SLC10A7: variants seen among roughly 807,000 people sequenced by gnomAD.
SLC10A7 encodes sodium/bile acid cotransporter 7.
In SLC10A7, 29 loss-of-function variants were observed where a neutral mutation model predicts 43.2. That is an observed-to-expected ratio of 0.67 (90% CI 0.50 to 0.92). SLC10A7 has a LOEUF of 0.92. SLC10A7 is among the 40% of genes least tolerant of loss of function. The probability of loss-of-function intolerance (pLI) is 0.00; values close to 1 mark genes in which losing one functional copy is unlikely to be tolerated. For missense variants in SLC10A7, 295 were observed against 403.2 expected (o/e 0.73, Z 2.30); for synonymous variants, 152 against 144.8 (o/e 1.05, Z -0.35).
rs985910717 is a variant in SLC10A7, at chr4:146,431,921, A to T, written c.435+10862T>A. On this transcript the variant is annotated intron_variant, in intron 5 of 11. Coordinates refer to ENST00000335472, the MANE Select transcript of SLC10A7 (RefSeq NM_001029998.6). ...GATAAATGACTGGTGTCCAAAACAT[A>T]CTTAAAAACTTGCACCTAATTATAA... 2.0e-5 allele frequency among the ~76,000 whole-genome samples: 3 copies of T among 152,220 alleles called. No individual in the cohort carries two copies. In the East Asian group the frequency reaches 5.8e-4, roughly 29 times the overall value.
intron 4 of SLC10A7, among the ~76,000 whole-genome samples, chr4:146,443,496 A>G (rs763009091): frequency 1.1e-4 from 16 of 152,250 alleles, no homozygotes; most frequent in Admixed American, 2.6e-4. Flanking sequence ...ACTATATTCA[A>G]TGAAGCTATA....
At chr4:146,430,852 G>T (rs1374973296) in intron 5 of SLC10A7, among the ~76,000 whole-genome samples, 1 of 152,034 alleles carries the variant, frequency 6.6e-6, no homozygotes, top group Non-Finnish European at 1.5e-5. Context: ...TATATTAGTA[G>T]AATTTTTTTC....
In SLC10A7 at chr4:146,293,917, T is replaced by G; in HGVS notation, c.721+13A>C. On this transcript the variant is annotated intron_variant, in intron 8 of 11. Coordinates refer to ENST00000335472, the MANE Select transcript of SLC10A7 (RefSeq NM_001029998.6). ...ACTGAGGGATAGCCAGGCTATCCCA[T>G]TTTCCAACTTACTTATGAACAGTAT... is the stretch of plus-strand genomic sequence containing the variant. 6.3e-7 allele frequency: 1 copy of G among 1,597,442 alleles called. No individual in the cohort carries two copies. The highest frequency in any genetic ancestry group is 8.6e-7 in the Non-Finnish European group (1 of 1,168,730).
At chr4:146,307,111 T>G (rs1220430314) in intron 6 of SLC10A7, among the ~76,000 whole-genome samples, 1 of 152,172 alleles carries the variant, frequency 6.6e-6, no homozygotes, top group Non-Finnish European at 1.5e-5. Context: ...TTCACTGATT[T>G]CTGCATGAAT....
intron 6 of SLC10A7, among the ~76,000 whole-genome samples, chr4:146,319,915 G>A (rs1380685290): frequency 6.6e-6 from 1 of 152,032 alleles, no homozygotes; most frequent in African/African-American, 2.4e-5. Flanking sequence ...GGGGAGAAAA[G>A]ACAGTTTATC....
chr4:146,459,049 T>C (rs1243379523), intron 4 of SLC10A7, among the ~76,000 whole-genome samples: 2 of 151,780 alleles, frequency 1.3e-5, no homozygotes, highest in African/African-American at 4.8e-5. Flanking sequence ...AATCAATGTA[T>C]TTCTATATAC....
rs773489129 is a variant in SLC10A7 at position 146,326,037 on chromosome 4, G to GAA, written c.436-43_436-42dup. 18 of 1,585,590 alleles carry GAA rather than the reference G, an allele frequency of 1.1e-5. No individual in the cohort carries two copies. In the Middle Eastern group the frequency reaches 5.0e-4, roughly 44 times the overall value. On this transcript the variant is annotated intron_variant, in intron 5 of 11. Transcript: ENST00000335472. The stretch of plus-strand genomic sequence containing the variant: ...GAGAGGATGATCATTTATCAGCCTG[G>GAA]AAAGCAGGACACTTTCTTTGCCATT...
intron 2 of SLC10A7, chr4:146,515,055 G>A (rs180680642): frequency 2.7e-4 from 186 of 696,008 alleles, no homozygotes; most frequent in Admixed American, 1.5e-3. Flanking sequence ...AAAGAAGTCA[G>A]TCCTTAGAGA....
At chr4:146,358,073 C>CA (rs57927989) in intron 5 of SLC10A7, among the ~76,000 whole-genome samples, 20,800 of 133,884 alleles carry the variant, frequency 0.16, 1,633 homozygotes, top group Middle Eastern at 0.24. Flanking sequence ...AGCACCCCCA[C>CA]AAAAAAAAAA....
intron 5 of SLC10A7, among the ~76,000 whole-genome samples, chr4:146,396,346 A>C (rs1025364118): frequency 1.6e-4 from 24 of 152,198 alleles, no homozygotes; most frequent in African/African-American, 5.8e-4. Context: ...ATCTAAATAA[A>C]AATTTTCCTT....
chr4:146,450,880 G>A (rs1263618794), intron 4 of SLC10A7, among the ~76,000 whole-genome samples: 1 of 151,874 alleles, frequency 6.6e-6, no homozygotes, highest in Non-Finnish European at 1.5e-5. Flanking sequence ...AGAACAGAGT[G>A]GATTACCAGA....
At chr4:146,466,157 T>C (rs1384023001) in intron 4 of SLC10A7, among the ~76,000 whole-genome samples, 1 of 152,206 alleles carries the variant, frequency 6.6e-6, no homozygotes, top group Admixed American at 6.5e-5. Flanking sequence ...GCAATTAACA[T>C]CTTTTGAGGG....
At chr4:146,315,359 G>T (rs1311047824) in intron 6 of SLC10A7, among the ~76,000 whole-genome samples, 1 of 152,094 alleles carries the variant, frequency 6.6e-6, no homozygotes, top group East Asian at 1.9e-4. Context: ...CATAATAATG[G>T]CTGCTAAACA....
chr4:146,406,769 G>A (rs1486636558), intron 5 of SLC10A7, among the ~76,000 whole-genome samples: 1 of 152,140 alleles, frequency 6.6e-6, no homozygotes, highest in Non-Finnish European at 1.5e-5. Context: ...GATCACCTAA[G>A]GTCAGGAGTT....
chr4:146,304,984 A>G (rs1731446994), intron 7 of SLC10A7, among the ~76,000 whole-genome samples: 1 of 152,024 alleles, frequency 6.6e-6, no homozygotes, highest in Non-Finnish European at 1.5e-5. Flanking sequence ...GTGGGACTGT[A>G]AACTAGTTCA....
intron 4 of SLC10A7, among the ~76,000 whole-genome samples, chr4:146,470,467 A>T (rs1433416686): frequency 2.0e-5 from 3 of 152,030 alleles, no homozygotes; most frequent in African/African-American, 7.2e-5. Flanking sequence ...ATATAAAGAC[A>T]TGCTATAAAA....
chr4:146,369,836 G>C (rs950198903), intron 5 of SLC10A7, among the ~76,000 whole-genome samples: 12 of 152,038 alleles, frequency 7.9e-5, no homozygotes, highest in African/African-American at 2.9e-4. Context: ...TAATTGTACA[G>C]ACTGCTGATG....
intron 4 of SLC10A7, among the ~76,000 whole-genome samples, chr4:146,461,315 C>A (rs983502550): frequency 6.6e-6 from 1 of 151,980 alleles, no homozygotes; most frequent in Non-Finnish European, 1.5e-5. Context: ...CTCATTACAT[C>A]TCAGTTTATT....
At chr4:146,284,257 C>T (rs931128173) in intron 9 of SLC10A7, among the ~76,000 whole-genome samples, 94 of 152,268 alleles carry the variant, frequency 6.2e-4, no homozygotes, top group Non-Finnish European at 7.3e-5. Context: ...TAGAAACTGA[C>T]TCCATCTATA....
Sources: allele counts gnomAD v4.1 joint callset (sites outside exome capture counted in the v4.1 genomes callset), GRCh38; gene constraint gnomAD v4.1.1; transcripts MANE v1.5; gene names NCBI Gene and HGNC (gene_info 2026-07-23, HGNC 2026-07-21).